KIF16B: variants seen among roughly 807,000 people sequenced by gnomAD.
KIF16B encodes kinesin-like protein KIF16B.
KIF16B carries 98 observed loss-of-function variants against 156.3 expected under a neutral mutation model. The ratio of observed to expected loss-of-function variants is 0.63; its 90% CI spans 0.53 to 0.74. The LOEUF is 0.74. Among genes scored for constraint, KIF16B ranks in the 30% least tolerant of loss-of-function variants. The probability of loss-of-function intolerance (pLI) is 0.00; values close to 1 mark genes in which losing one functional copy is unlikely to be tolerated. For missense variants in KIF16B, 1,421 were observed against 1,606.5 expected (o/e 0.88, Z 1.97); for synonymous variants, 564 against 583.7 (o/e 0.97, Z 0.49).
intron 23 of KIF16B, among the ~76,000 whole-genome samples, chr20:16,337,191 G>A (rs1404301904): frequency 6.6e-6 from 1 of 152,144 alleles, no homozygotes; most frequent in Non-Finnish European, 1.5e-5. Flanking sequence ...CTTTGCACGG[G>A]CCATGCTCCT....
chr20:16,282,261 G>T (rs1273567496), intron 25 of KIF16B, among the ~76,000 whole-genome samples: 1 of 151,646 alleles, frequency 6.6e-6, no homozygotes, highest in African/African-American at 2.4e-5. Context: ...TCGAACCCCT[G>T]ACCTCAGCTG....
In KIF16B at chr20:16,506,132, A is replaced by T. The variant is rs766720294; in HGVS notation, c.758T>A (p.Leu253His). The T allele has an allele frequency of 1.9e-6, 3 of 1,614,140 alleles. No homozygotes were observed. Among genetic ancestry groups the T allele is most frequent in the Non-Finnish European group, 2.5e-6 (3 of 1,179,992 alleles). ...GGCATCTGCACGCTCACTTCCGGCA[A>T]GATCAACCAAGTGGATCTTACTGAC... ...ETVSKIHLVD[L>H]AGSERADATG... The change falls in exon 8 of 26, where the codon CTT (leucine) becomes CAT (histidine). Residue 253 changes from leucine (L) to histidine (H), a missense_variant. Leu to His is a moderately conservative substitution (Grantham distance 99). Transcript: ENST00000354981.
intron 12 of KIF16B, among the ~76,000 whole-genome samples, chr20:16,483,909 T>C (rs1311526546): frequency 1.3e-5 from 2 of 152,184 alleles, no homozygotes; most frequent in African/African-American, 4.8e-5. Flanking sequence ...TCAACTTATC[T>C]ATGTCATGAA....
At chr20:16,530,877 T>A (rs531503623) in intron 1 of KIF16B, among the ~76,000 whole-genome samples, 1 of 152,222 alleles carries the variant, frequency 6.6e-6, no homozygotes, top group South Asian at 2.1e-4. Flanking sequence ...ATTTTTGTAT[T>A]TTTTGTAGAG....
rs111406160 is a variant in KIF16B, at chr20:16,535,637, A to G, written c.48-7197T>C. Among the ~76,000 whole-genome samples, 445 of 152,268 alleles carry G rather than the reference A, an allele frequency of 2.9e-3. 1 individual carries two copies. Among genetic ancestry groups the G allele is most frequent in the Non-Finnish European group, 4.9e-3 (333 of 67,998 alleles). On this transcript the variant is annotated intron_variant, in intron 1 of 25. Coordinates refer to ENST00000354981, the MANE Select transcript of KIF16B (RefSeq NM_024704.5). ...TGTTAGCAGTGGGTTTGTCATATAT[A>G]GTCTTTATTATTTCAATAACTAATC...
chr20:16,367,410 A>T (rs1448633068), intron 22 of KIF16B: 4 of 1,612,786 alleles, frequency 2.5e-6, no homozygotes, highest in Non-Finnish European at 3.4e-6. Flanking sequence ...CACTTAAAGC[A>T]TGGCATTTGA....
At chr20:16,364,129 T>C (rs946136218) in intron 22 of KIF16B, among the ~76,000 whole-genome samples, 1 of 152,216 alleles carries the variant, frequency 6.6e-6, no homozygotes, top group African/African-American at 2.4e-5. Context: ...TTAAGTACTC[T>C]CTTCCAAAGG....
chr20:16,552,746 T>C (rs1226508731), intron 1 of KIF16B, among the ~76,000 whole-genome samples: 2 of 152,216 alleles, frequency 1.3e-5, no homozygotes, highest in Non-Finnish European at 2.9e-5. Flanking sequence ...ACATTTCTGA[T>C]AGCTAAGGAA....
At chr20:16,511,570 G>A (rs370184111) in intron 5 of KIF16B, 43 bp from the exon 6 acceptor site, 15 of 1,287,638 alleles carry the variant, frequency 1.2e-5, no homozygotes, top group Non-Finnish European at 1.6e-5. Flanking sequence ...AATGATTTCA[G>A]ACATTAATAT....
chr20:16,521,769 G>C (rs918819284), intron 3 of KIF16B, among the ~76,000 whole-genome samples: 1 of 152,186 alleles, frequency 6.6e-6, no homozygotes, highest in African/African-American at 2.4e-5. Flanking sequence ...GGCAGCCAGA[G>C]AGAAATGTCA....
chr20:16,515,464 G>A, intron 4 of KIF16B, 84 bp downstream of exon 4: 1 of 756,632 alleles, frequency 1.3e-6, no homozygotes, highest in Non-Finnish European at 2.3e-6. Context: ...AGTTAGTACA[G>A]ACCAAATAGA....
chr20:16,556,897 A>C (rs1267791607), intron 1 of KIF16B, among the ~76,000 whole-genome samples: 1 of 151,838 alleles, frequency 6.6e-6, no homozygotes, highest in Non-Finnish European at 1.5e-5. Flanking sequence ...GAATGTTCCC[A>C]CTTACCACTA....
chr20:16,418,414 A>T (rs893546317), intron 15 of KIF16B, among the ~76,000 whole-genome samples: 2 of 152,096 alleles, frequency 1.3e-5, no homozygotes, highest in Non-Finnish European at 2.9e-5. Context: ...GAGGTAGGAC[A>T]TGCTTTCTTA....
intron 17 of KIF16B, among the ~76,000 whole-genome samples, chr20:16,399,799 G>A (rs1462604029): frequency 1.3e-5 from 2 of 152,202 alleles, no homozygotes; most frequent in East Asian, 1.9e-4. Flanking sequence ...AGTTACTGAA[G>A]CCAGAAACTG....
chr20:16,311,541 G>C (rs562891882), intron 25 of KIF16B, among the ~76,000 whole-genome samples: 2 of 152,158 alleles, frequency 1.3e-5, no homozygotes, highest in South Asian at 4.1e-4. Flanking sequence ...GGAACTCTGA[G>C]AGTCTCCCTG....
intron 12 of KIF16B, among the ~76,000 whole-genome samples, chr20:16,472,492 T>A (rs1263409958): frequency 1.5e-5 from 2 of 135,276 alleles, no homozygotes; most frequent in Non-Finnish European, 3.1e-5. Context: ...GAGGACAACA[T>A]AACCCTAACG....
At chr20:16,307,833 T>G (rs2063563320) in intron 25 of KIF16B, among the ~76,000 whole-genome samples, 1 of 152,166 alleles carries the variant, frequency 6.6e-6, no homozygotes, top group Non-Finnish European at 1.5e-5. Flanking sequence ...TGGTTCAGCT[T>G]CAGATGTTTC....
intron 23 of KIF16B, among the ~76,000 whole-genome samples, chr20:16,346,003 TAAAG>T (rs1215578393): frequency 1.3e-4 from 20 of 151,836 alleles, no homozygotes; most frequent in African/African-American, 4.4e-4. Context: ...CAGGTGGGAG[TAAAG>T]AAAGAGAGAC....
rs188089889 is a variant in KIF16B at position 16,391,499 on chromosome 20, G to A, written c.1785-9752C>T. 3.3e-5 allele frequency among the ~76,000 whole-genome samples: 5 copies of A among 152,326 alleles called. No individual in the cohort carries two copies. In the East Asian group the frequency reaches 9.6e-4, roughly 29 times the overall value. On this transcript the variant is annotated intron_variant, in intron 17 of 25. Coordinates refer to ENST00000354981, the MANE Select transcript of KIF16B (RefSeq NM_024704.5). Reference sequence around the variant, plus strand: ...GAGCTAACTAATACATAATGCGTATGCCGTGAGATAAGTACTATGAAAAAG... The same window carrying A: ...GAGCTAACTAATACATAATGCGTATACCGTGAGATAAGTACTATGAAAAAG...
Sources: allele counts gnomAD v4.1 joint callset (sites outside exome capture counted in the v4.1 genomes callset), GRCh38; gene constraint gnomAD v4.1.1; transcripts MANE v1.5; gene names NCBI Gene and HGNC (gene_info 2026-07-23, HGNC 2026-07-21).